B3GALT1: variants seen among roughly 807,000 people sequenced by gnomAD.
B3GALT1 encodes UDP-Gal:betaGlcNAc beta 1,3-galactosyltransferase, polypeptide 1.
B3GALT1 carries 10 observed loss-of-function variants against 23.2 expected under a neutral mutation model. That is an observed-to-expected ratio of 0.43 (90% confidence interval 0.27 to 0.73). The LOEUF (loss-of-function observed/expected upper bound fraction) is 0.73. Among genes scored for constraint, B3GALT1 ranks in the 30% least tolerant of loss-of-function variants. The pLI is 0.21. For synonymous variants in B3GALT1, 156 were observed against 141.5 expected, an observed-to-expected ratio of 1.10 and a Z score of -0.73; for missense variants, 299 against 405.4, an observed-to-expected ratio of 0.74 and a Z score of 2.25.
intron 2 of B3GALT1, among the ~76,000 whole-genome samples, chr2:167,643,292 G>A (rs1202749216): frequency 6.6e-6 from 1 of 152,120 alleles, no homozygotes; most frequent in African/African-American, 2.4e-5. Context: ...ATCTCTTTGT[G>A]TATATGCTGA....
rs1174061001 is a variant in B3GALT1, at chr2:167,305,370, T to C, written c.-511+12036T>C. On this transcript the variant is annotated intron_variant, in intron 1 of 4. Coordinates refer to ENST00000392690, the MANE Select transcript of B3GALT1 (RefSeq NM_020981.4). ...TACCTTTGTTGAAAGTGCCATAATT[T>C]ATTTATTATGAGACAGTTCCTACCT... Among the ~76,000 whole-genome samples the C allele has an allele frequency of 2.0e-5, 3 of 152,174 alleles. No homozygotes were observed. The East Asian group carries it at 5.8e-4, about 29-fold the overall frequency.
chr2:167,623,884 C>A (rs1313275758), intron 2 of B3GALT1, among the ~76,000 whole-genome samples: 2 of 151,990 alleles, frequency 1.3e-5, no homozygotes, highest in Non-Finnish European at 2.9e-5. Flanking sequence ...ATGAACTCAA[C>A]ATTTTAGGCA....
rs566143431 is a variant in B3GALT1, at chr2:167,414,821, T to C, written c.-510-75356T>C. ...ATCTTTTATCAGTATTTCACAAATATTGTGAAATATTAACAATCTCAGTAG... is the reference window on the plus strand; with the variant it reads ...ATCTTTTATCAGTATTTCACAAATACTGTGAAATATTAACAATCTCAGTAG... On this transcript the variant is annotated intron_variant, in intron 1 of 4. Transcript: ENST00000392690. Among the ~76,000 whole-genome samples the C allele has an allele frequency of 2.0e-5, 3 of 152,306 alleles. No homozygotes were observed. In the East Asian group the frequency reaches 5.8e-4, roughly 29 times the overall value.
rs569557294 is a variant in B3GALT1 at position 167,367,074 on chromosome 2, C to T, written c.-511+73740C>T. 3.0e-4 allele frequency among the ~76,000 whole-genome samples: 46 copies of T among 152,264 alleles called. No homozygotes were observed. In the East Asian group the frequency reaches 6.0e-3, roughly 20 times the overall value. ...ATCATAGGTGGTATGGTTCATTGAACGCTACTGATGTAACAGACTATTACA... is the reference window on the plus strand; with the variant it reads ...ATCATAGGTGGTATGGTTCATTGAATGCTACTGATGTAACAGACTATTACA... On this transcript the variant is annotated intron_variant, in intron 1 of 4. Coordinates refer to ENST00000392690, the MANE Select transcript of B3GALT1 (RefSeq NM_020981.4).
intron 1 of B3GALT1, among the ~76,000 whole-genome samples, chr2:167,470,535 G>A (rs1286632909): frequency 6.6e-6 from 1 of 151,860 alleles, no homozygotes; most frequent in African/African-American, 2.4e-5. Context: ...ATAATTATAT[G>A]GTAGTCCTGT....
chr2:167,590,441 G>A (rs1421367090), intron 2 of B3GALT1, among the ~76,000 whole-genome samples: 1 of 151,730 alleles, frequency 6.6e-6, no homozygotes, highest in Admixed American at 6.6e-5. Flanking sequence ...AGCCACCATG[G>A]CACGTTTATC....
intron 2 of B3GALT1, among the ~76,000 whole-genome samples, chr2:167,495,351 G>A (rs1424577187): frequency 4.9e-5 from 1 of 20,328 alleles, no homozygotes; most frequent in Non-Finnish European, 1.2e-4. Flanking sequence ...TTTTTTTTTT[G>A]TGATGGAGTT....
chr2:167,768,045 C>A (rs1443196397), intron 3 of B3GALT1, among the ~76,000 whole-genome samples: 1 of 152,068 alleles, frequency 6.6e-6, no homozygotes, highest in South Asian at 2.1e-4. Flanking sequence ...CCTTCCCCTG[C>A]CTTTTTGTTC....
intron 1 of B3GALT1, among the ~76,000 whole-genome samples, chr2:167,367,156 G>A (rs73019774): frequency 0.016 from 2,453 of 152,110 alleles, 69 homozygotes; most frequent in African/African-American, 0.056. Context: ...ACATTTTTTG[G>A]AAGATTTCCA....
chr2:167,828,768 GT>G (rs1427304526), intron 4 of B3GALT1, among the ~76,000 whole-genome samples: 2 of 152,322 alleles, frequency 1.3e-5, no homozygotes, highest in East Asian at 3.9e-4. Context: ...ACCCTGTGTG[GT>G]TTGTTCTGTA....
chr2:167,564,083 G>A (rs529715194), intron 2 of B3GALT1, among the ~76,000 whole-genome samples: 3,886 of 149,686 alleles, frequency 0.026, 163 homozygotes, highest in African/African-American at 0.087. Context: ...GCTGCCGGGC[G>A]GAGGGGCCCC....
chr2:167,776,717 T>G (rs1688168661), intron 3 of B3GALT1, among the ~76,000 whole-genome samples: 1 of 152,220 alleles, frequency 6.6e-6, no homozygotes, highest in Non-Finnish European at 1.5e-5. Flanking sequence ...AAATGGGAAC[T>G]TATATAACTT....
At chr2:167,670,674 A>G (rs1250984714) in intron 3 of B3GALT1, among the ~76,000 whole-genome samples, 1 of 152,224 alleles carries the variant, frequency 6.6e-6, no homozygotes, top group Non-Finnish European at 1.5e-5. Context: ...AAAACAGTAT[A>G]CAAATAAAAT....
At chr2:167,349,177 C>T (rs1023217957) in intron 1 of B3GALT1, among the ~76,000 whole-genome samples, 1 of 152,080 alleles carries the variant, frequency 6.6e-6, no homozygotes, top group African/African-American at 2.4e-5. Context: ...TGAAAAATTC[C>T]AGAAATAAAC....
chr2:167,371,855 A>T (rs762360306), intron 1 of B3GALT1, among the ~76,000 whole-genome samples: 2 of 151,902 alleles, frequency 1.3e-5, no homozygotes, highest in African/African-American at 2.4e-5. Context: ...ATCAGAGGTA[A>T]AATTTTTAGA....
chr2:167,669,176 C>T (rs1686274802), intron 3 of B3GALT1, among the ~76,000 whole-genome samples: 1 of 152,140 alleles, frequency 6.6e-6, no homozygotes, highest in Admixed American at 6.5e-5. Flanking sequence ...ATACTTTTTA[C>T]TGTTTTTTTC....
chr2:167,300,697 G>A (rs1216016357), intron 1 of B3GALT1, among the ~76,000 whole-genome samples: 1 of 152,102 alleles, frequency 6.6e-6, no homozygotes, highest in African/African-American at 2.4e-5. Context: ...ATGGTTCTGG[G>A]AAAACTGAAT....
intron 2 of B3GALT1, among the ~76,000 whole-genome samples, chr2:167,591,498 T>A (rs924521211): frequency 3.9e-5 from 6 of 152,052 alleles, no homozygotes; most frequent in Admixed American, 3.9e-4. Context: ...TGAGACAGAG[T>A]CTCACTCTGT....
At chr2:167,571,115 A>G (rs1397738502) in intron 2 of B3GALT1, among the ~76,000 whole-genome samples, 2 of 151,976 alleles carry the variant, frequency 1.3e-5, no homozygotes, top group African/African-American at 4.8e-5. Context: ...TCTAAAAGAA[A>G]TTCACCATGG....
Sources: allele counts gnomAD v4.1 joint callset (sites outside exome capture counted in the v4.1 genomes callset), GRCh38; gene constraint gnomAD v4.1.1; transcripts MANE v1.5; gene names NCBI Gene and HGNC (gene_info 2026-07-23, HGNC 2026-07-21).